TRRAP: variants seen among roughly 807,000 people sequenced by gnomAD.
The protein encoded by TRRAP is transformation/transcription domain associated protein.
TRRAP carries 41 observed loss-of-function variants against 438.8 expected under a neutral mutation model. The observed-to-expected ratio is 0.09, with a 90% CI of 0.07 to 0.12. The LOEUF is 0.12. Among genes scored for constraint, TRRAP ranks in the 10% least tolerant of loss-of-function variants. The probability of loss-of-function intolerance (pLI) is 1.00; values close to 1 mark genes in which losing one functional copy is unlikely to be tolerated. For missense variants in TRRAP, 3,122 were observed against 5,055.1 expected (o/e 0.62, Z 11.60); for synonymous variants, 1,994 against 1,962.9 (o/e 1.02, Z -0.42).
intron 1 of TRRAP, among the ~76,000 whole-genome samples, chr7:98,880,784 C>T (rs1261540309): frequency 3.3e-5 from 5 of 152,184 alleles, no homozygotes; most frequent in South Asian, 2.1e-4. Context: ...TGACAGACTG[C>T]GTGGCCACAA....
At position 98,950,097 on chromosome 7, in the gene TRRAP, G is replaced by A. The variant is rs534814974; in HGVS notation, c.5169G>A (p.Gln1723=). Reference sequence around the variant, plus strand: ...ACGGAGATATAGAATTGCTGTTCCAGCTGCTCCGAGCCTTTACTGGTCGTT... The same window carrying A: ...ACGGAGATATAGAATTGCTGTTCCAACTGCTCCGAGCCTTTACTGGTCGTT... ...RNYGDIELLF[Q]LLRAFTGRFL... is the part of the protein sequence containing the mutation. Residue 1723 remains glutamine (Q), a synonymous_variant, in exon 38 of 73, where the codon CAG becomes CAA. Coordinates refer to ENST00000456197, the MANE Select transcript of TRRAP (RefSeq NM_001375524.1). 1 of 1,614,228 alleles carries A rather than the reference G, an allele frequency of 6.2e-7. No individual in the cohort carries two copies. Among genetic ancestry groups the A allele is most frequent in the East Asian group, 2.2e-5 (1 of 44,886 alleles).
intron 3 of TRRAP, among the ~76,000 whole-genome samples, chr7:98,882,693 G>A (rs189998166): frequency 1.3e-5 from 2 of 149,540 alleles, no homozygotes; most frequent in East Asian, 4.0e-4. Context: ...GCAGAGTCTG[G>A]CTGTGTCACC....
chr7:98,941,960 C>G lies in TRRAP; in HGVS notation c.4405-989C>G, dbSNP rs546799766. ...CCCATTCCTGTTTTACTATGGAAACCTTTTTAAAGCAGCTTGCTAACTTCC... is the reference window on the plus strand; with the variant it reads ...CCCATTCCTGTTTTACTATGGAAACGTTTTTAAAGCAGCTTGCTAACTTCC... On this transcript the variant is annotated intron_variant, in intron 30 of 72. Transcript: ENST00000456197. Among the ~76,000 whole-genome samples, 28 of 152,252 alleles carry G rather than the reference C, an allele frequency of 1.8e-4. No homozygotes were observed. The South Asian group carries it at 5.6e-3, about 30-fold the overall frequency.
rs1796877937 is a variant in TRRAP at position 98,908,187 on chromosome 7, C to T, written c.1116-541C>T. Among the ~76,000 whole-genome samples the T allele has an allele frequency of 6.6e-6, 1 of 152,194 alleles. No homozygotes were observed. The highest frequency in any genetic ancestry group is 1.5e-5 in the Non-Finnish European group (1 of 68,040). The stretch of plus-strand genomic sequence containing the variant: ...CGCTAGCACTTACTAACTTGTGTAG[C>T]TTATTTCTTTACTTGTGTGTTCTCT... On this transcript the variant is annotated intron_variant, in intron 13 of 72. Transcript: ENST00000456197. The surrounding 1 kb of genome is among the most constrained non-coding windows in gnomAD (Gnocchi z 4.1).
chr7:98,898,823 T>G (rs1311127337), intron 8 of TRRAP, among the ~76,000 whole-genome samples: 26 of 152,370 alleles, frequency 1.7e-4, no homozygotes, highest in Admixed American at 1.6e-3. Context: ...TAAAAATTTC[T>G]CAGATGATTT....
intron 26 of TRRAP, among the ~76,000 whole-genome samples, chr7:98,932,455 A>T (rs187058322): frequency 1.3e-5 from 2 of 152,040 alleles, no homozygotes; most frequent in Non-Finnish European, 2.9e-5. Flanking sequence ...CTTTAAGGAA[A>T]TTATCATCCA....
intron 28 of TRRAP, 33 bp from the exon 29 acceptor site, chr7:98,937,123 A>G: frequency 6.4e-7 from 1 of 1,570,060 alleles, no homozygotes; most frequent in Non-Finnish European, 8.6e-7. Flanking sequence ...TTTCCAGTTA[A>G]TAATGGAATT....
At position 98,956,071 on chromosome 7, in the gene TRRAP, G is replaced by A; in HGVS notation, c.5938-75G>A. The A allele has an allele frequency of 1.3e-6, 2 of 1,518,992 alleles. No individual in the cohort carries two copies. Among genetic ancestry groups the A allele is most frequent in the Non-Finnish European group, 1.8e-6 (2 of 1,131,002 alleles). 94.1% of individuals were successfully genotyped at this position (1,518,992 alleles called of 1,614,324 possible). On this transcript the variant is annotated intron_variant, in intron 41 of 72. Transcript: ENST00000456197. The surrounding 1 kb of genome is among the most constrained non-coding windows in gnomAD (Gnocchi z 4.5). ...AGAGGCATGTCGGGGGTGTGTGTGT[G>A]CACGTGCGCACACGTGCATGCACTG...
In TRRAP at chr7:98,966,006, T is replaced by C. The variant is rs531677538; in HGVS notation, c.7176+111T>C. 163 of 1,220,320 alleles carry C rather than the reference T, an allele frequency of 1.3e-4. 1 individual carries two copies. The African/African-American group carries it at 2.3e-3, about 17-fold the overall frequency. The allele number at this position is 1,220,320 out of a possible 1,614,324, so 75.6% of individuals were successfully genotyped here. A position where few individuals can be genotyped will look rare whatever the true frequency, so the allele number is the denominator to read the frequency against. On this transcript the variant is annotated intron_variant, in intron 49 of 72. Transcript: ENST00000456197. ...GCAAAACATTTTTTTCTGCTGTAAT[T>C]GCACTCACAGCATCTTTTCTTAATT...
Position 99,005,233 on chromosome 7 carries a change from C to T in TRRAP, c.10638C>T (p.Asn3546=), listed in dbSNP as rs779726223. The T allele has an allele frequency of 1.2e-5, 19 of 1,614,192 alleles. No homozygotes were observed. The highest frequency in any genetic ancestry group is 1.6e-4 in the Middle Eastern group (1 of 6,062). Residue 3546 remains asparagine, a synonymous_variant, in exon 69 of 73, where the codon AAC becomes AAT. Coordinates refer to ENST00000456197, the MANE Select transcript of TRRAP (RefSeq NM_001375524.1). The surrounding 1 kb of genome is among the most constrained non-coding windows in gnomAD (Gnocchi z 5.1). ...AGATCTACCCATACCTCGTCATGAA[C>T]GACGCCTGCCTCACAGAGTCACGGC... ...NGKIYPYLVM[N]DACLTESRRE... is the part of the protein sequence containing the mutation.
chr7:99,003,627 G>T (rs1244753030), intron 67 of TRRAP, among the ~76,000 whole-genome samples: 1 of 152,238 alleles, frequency 6.6e-6, no homozygotes, highest in Admixed American at 6.5e-5. Flanking sequence ...GGCCTGTGGG[G>T]TTGGGGATGG....
chr7:98,931,281 A>G, intron 25 of TRRAP, 124 bp from the exon 26 acceptor site: 2 of 1,416,180 alleles, frequency 1.4e-6, no homozygotes, highest in Non-Finnish European at 1.9e-6. Context: ...CACCTCATTA[A>G]AGCAGCTGGC....
chr7:98,990,995 G>A (rs1793404736), intron 64 of TRRAP, among the ~76,000 whole-genome samples: 1 of 152,122 alleles, frequency 6.6e-6, no homozygotes, highest in Non-Finnish European at 1.5e-5. Flanking sequence ...TCATATGCTG[G>A]GAGCTCTTCG....
chr7:98,981,033 G>C (rs1792891323), intron 58 of TRRAP, among the ~76,000 whole-genome samples: 2 of 152,176 alleles, frequency 1.3e-5, no homozygotes, highest in Non-Finnish European at 2.9e-5. Flanking sequence ...TTGAACGACA[G>C]AGGGGGACCC....
intron 31 of TRRAP, 99 bp from the exon 32 acceptor site, chr7:98,945,648 C>CTT: frequency 7.2e-7 from 1 of 1,387,820 alleles, no homozygotes; most frequent in Non-Finnish European, 9.8e-7. Flanking sequence ...TCTTTACTGT[C>CTT]TTGTTAACCC....
intron 58 of TRRAP, 148 bp downstream of exon 58, chr7:98,979,052 A>G: frequency 1.1e-6 from 1 of 939,822 alleles, no homozygotes; most frequent in Admixed American, 2.8e-5. Context: ...ATTGTCTAAC[A>G]CCTTTCCTGA....
At position 98,949,640 on chromosome 7, in the gene TRRAP, A is replaced by C. The variant is rs1791241543; in HGVS notation, c.4954-20A>C. On this transcript the variant is annotated intron_variant, in intron 36 of 72. Transcript: ENST00000456197. ...GGGTTTAATCGAGACACGGTTCCCT[A>C]ATTATCTCTTCTTTGACAGATCATA... 1 of 1,603,662 alleles carries C rather than the reference A, an allele frequency of 6.2e-7. No homozygotes were observed. The highest frequency in any genetic ancestry group is 8.5e-7 in the Non-Finnish European group (1 of 1,174,440).
At chr7:98,962,523 T>C in intron 47 of TRRAP, 96 bp downstream of exon 47, 8 of 1,593,338 alleles carry the variant, frequency 5.0e-6, no homozygotes, top group Non-Finnish European at 6.9e-6. Flanking sequence ...GCTCCGGTTG[T>C]TGGGCAGAGC....
intron 31 of TRRAP, among the ~76,000 whole-genome samples, chr7:98,943,988 C>T (rs1038077530): frequency 1.1e-4 from 16 of 152,196 alleles, no homozygotes; most frequent in African/African-American, 3.9e-4. Flanking sequence ...TTGTTTCCTA[C>T]TGCTTCTAAA....
Sources: gnomAD v4.1 joint callset for allele counts (sites outside exome capture counted in the v4.1 genomes callset) on GRCh38, gnomAD v4.1.1 for gene constraint, Gnocchi (gnomAD v3.1) non-coding constraint, MANE v1.5 for transcripts, NCBI Gene and HGNC (gene_info 2026-07-23, HGNC 2026-07-21) for gene names.